The following PPFIA2 variants were observed in gnomAD, a reference collection of about 807,000 sequenced individuals.
PPFIA2 encodes the protein liprin-alpha-2.
PPFIA2 carries 46 observed loss-of-function variants against 175.5 expected under a neutral mutation model. The ratio of observed to expected loss-of-function variants is 0.26; its 90% CI spans 0.21 to 0.34. The LOEUF is 0.34. Ranked by LOEUF, PPFIA2 falls within the 10% of genes least tolerant of loss-of-function variation. The probability of loss-of-function intolerance (pLI) is 1.00; values close to 1 mark genes in which losing one functional copy is unlikely to be tolerated. For missense variants in PPFIA2, 1,179 were observed against 1,506.1 expected, an observed-to-expected ratio of 0.78 and a Z score of 3.60; for synonymous variants, 568 against 511.4, an observed-to-expected ratio of 1.11 and a Z score of -1.49.
intron 24 of PPFIA2, among the ~76,000 whole-genome samples, chr12:81,285,071 T>C (rs141049799): frequency 5.6e-4 from 86 of 152,282 alleles, no homozygotes; most frequent in African/African-American, 2.1e-3. Flanking sequence ...CAGGCAATAT[T>C]CTATTATAAA....
intron 4 of PPFIA2, among the ~76,000 whole-genome samples, chr12:81,474,187 C>T (rs1384824182): frequency 2.0e-5 from 3 of 151,692 alleles, no homozygotes; most frequent in African/African-American, 7.3e-5. Flanking sequence ...ACAGTCTCAC[C>T]ACTTCGTCAA....
At chr12:81,701,866 C>T (rs1207326591) in intron 3 of PPFIA2, among the ~76,000 whole-genome samples, 1 of 143,968 alleles carries the variant, frequency 6.9e-6, no homozygotes, top group Non-Finnish European at 1.5e-5. Flanking sequence ...AACTCTTTGT[C>T]TCATTTAAAT....
chr12:81,577,647 A>C (rs766824386), intron 4 of PPFIA2, among the ~76,000 whole-genome samples: 25 of 152,042 alleles, frequency 1.6e-4, no homozygotes, highest in Non-Finnish European at 2.9e-4. Context: ...TTATGACAAT[A>C]AAGTATTTAG....
chr12:81,522,963 C>A (rs192555065), intron 4 of PPFIA2, among the ~76,000 whole-genome samples: 4 of 152,294 alleles, frequency 2.6e-5, no homozygotes, highest in African/African-American at 9.6e-5. Context: ...AGGACCCAGG[C>A]TGATGGAGGT....
intron 32 of PPFIA2, chr12:81,260,595 T>G (rs766001821): frequency 1.3e-5 from 2 of 152,228 alleles, no homozygotes; most frequent in East Asian, 1.9e-4. Context: ...ATGTAAGGGT[T>G]GTACATTCTG....
At chr12:81,291,632 G>A (rs544013099) in intron 24 of PPFIA2, among the ~76,000 whole-genome samples, 21 of 151,984 alleles carry the variant, frequency 1.4e-4, no homozygotes, top group Non-Finnish European at 1.3e-4. Flanking sequence ...TCTTTATTTC[G>A]TCTAGTGTGA....
chr12:81,755,340 C>T (rs1331391116), intron 2 of PPFIA2, among the ~76,000 whole-genome samples: 4 of 152,086 alleles, frequency 2.6e-5, no homozygotes, highest in Non-Finnish European at 5.9e-5. Flanking sequence ...GGTTGTTGTA[C>T]TATGGCCAGC....
At chr12:81,443,951 T>C (rs1445016905) in intron 6 of PPFIA2, among the ~76,000 whole-genome samples, 2 of 140,468 alleles carry the variant, frequency 1.4e-5, no homozygotes, top group Non-Finnish European at 3.0e-5. Context: ...ACCTCCCGGG[T>C]TCACGCCATT....
chr12:81,489,654 T>A lies in PPFIA2; in HGVS notation c.304-31788A>T, dbSNP rs1266405961. On this transcript the variant is annotated intron_variant, in intron 4 of 32. Coordinates refer to ENST00000549396, the MANE Select transcript of PPFIA2 (RefSeq NM_003625.5). ...CACTTGAAATGATGCAATTAGTCAC[T>A]GCTCCATATATTTGTGTTTGAAACG... Among the ~76,000 whole-genome samples, 3 of 151,980 alleles carry A rather than the reference T, an allele frequency of 2.0e-5. No homozygotes were observed. In the East Asian group the frequency reaches 5.8e-4, roughly 29 times the overall value.
At chr12:81,434,525 A>T (rs1319292882) in intron 7 of PPFIA2, among the ~76,000 whole-genome samples, 1 of 152,138 alleles carries the variant, frequency 6.6e-6, no homozygotes, top group African/African-American at 2.4e-5. Flanking sequence ...TATGGGGAAC[A>T]TTATAGACAC....
At chr12:81,652,033 C>A (rs1275958703) in intron 4 of PPFIA2, among the ~76,000 whole-genome samples, 6 of 151,380 alleles carry the variant, frequency 4.0e-5, no homozygotes, top group Non-Finnish European at 5.9e-5. Context: ...ACGTTGATTT[C>A]TTTATTTGTA....
intron 4 of PPFIA2, among the ~76,000 whole-genome samples, chr12:81,528,788 T>C (rs1025011650): frequency 3.9e-5 from 6 of 152,014 alleles, no homozygotes; most frequent in Non-Finnish European, 5.9e-5. Flanking sequence ...CTCAGAATCA[T>C]GGGACTGCAG....
At chr12:81,355,917 G>C (rs536526843) in intron 16 of PPFIA2, among the ~76,000 whole-genome samples, 9 of 152,180 alleles carry the variant, frequency 5.9e-5, no homozygotes, top group Non-Finnish European at 8.8e-5. Flanking sequence ...CAGCAGTAAG[G>C]CTGTTTTGTT....
intron 4 of PPFIA2, among the ~76,000 whole-genome samples, chr12:81,571,162 T>G (rs1316049170): frequency 6.6e-6 from 1 of 152,094 alleles, no homozygotes; most frequent in African/African-American, 2.4e-5. Context: ...GGAGAATGAT[T>G]CCAGGATTGA....
At position 81,562,435 on chromosome 12, in the gene PPFIA2, A is replaced by C. The variant is rs555018857; in HGVS notation, c.304-104569T>G. Reference sequence around the variant, plus strand: ...AAGTGTTTATTTTTATTCTACAGATAGTCACAGAGAAAACACTATTAGGGG... The same window carrying C: ...AAGTGTTTATTTTTATTCTACAGATCGTCACAGAGAAAACACTATTAGGGG... On this transcript the variant is annotated intron_variant, in intron 4 of 32. Transcript: ENST00000549396. 3.3e-5 allele frequency among the ~76,000 whole-genome samples: 5 copies of C among 152,352 alleles called. No individual in the cohort carries two copies. The East Asian group carries it at 7.7e-4, about 23-fold the overall frequency.
chr12:81,651,266 T>A (rs1020584995), intron 4 of PPFIA2, among the ~76,000 whole-genome samples: 2 of 151,864 alleles, frequency 1.3e-5, no homozygotes, highest in Non-Finnish European at 2.9e-5. Flanking sequence ...AGGTTTAAGT[T>A]CCCCCAAGGA....
At chr12:81,415,444 T>C (rs2045035882) in intron 7 of PPFIA2, among the ~76,000 whole-genome samples, 2 of 149,144 alleles carry the variant, frequency 1.3e-5, no homozygotes, top group Non-Finnish European at 3.0e-5. Flanking sequence ...TACCAGTAAG[T>C]TTCTGGTGAC....
chr12:81,510,186 T>C (rs537444020), intron 4 of PPFIA2, among the ~76,000 whole-genome samples: 10 of 152,226 alleles, frequency 6.6e-5, no homozygotes, highest in African/African-American at 1.9e-4. Context: ...ATATATTTCC[T>C]TAATAACATA....
intron 4 of PPFIA2, among the ~76,000 whole-genome samples, chr12:81,481,356 A>G (rs1240319953): frequency 1.1e-4 from 17 of 152,116 alleles, no homozygotes; most frequent in Admixed American, 1.1e-3. Context: ...CCATCAAACT[A>G]CCATTGACTT....
Sources: allele counts gnomAD v4.1 joint callset (sites outside exome capture counted in the v4.1 genomes callset), GRCh38; gene constraint gnomAD v4.1.1; transcripts MANE v1.5; gene names NCBI Gene and HGNC (gene_info 2026-07-23, HGNC 2026-07-21).